Variants in UMAD1 observed in about 807,000 individuals in gnomAD.
UMAD1 encodes the protein UBAP1-MVB12-associated (UMA)-domain containing protein 1.
In UMAD1, 8 loss-of-function variants were observed where a neutral mutation model predicts 6.1. The ratio of observed to expected loss-of-function variants is 1.30; its 90% CI spans 0.76 to 2.35. The LOEUF is 2.35. Among genes scored for constraint, UMAD1 ranks in the 30% most tolerant of loss-of-function variants. The pLI, the probability that UMAD1 is intolerant of heterozygous loss-of-function variation, is 0.00. For missense variants in UMAD1, 130 were observed against 78.4 expected (o/e 1.66, Z -2.49); for synonymous variants, 56 against 31.4 (o/e 1.78, Z -2.61).
intron 2 of UMAD1, among the ~76,000 whole-genome samples, chr7:7,769,185 G>C (rs1401969210): frequency 6.6e-6 from 1 of 152,138 alleles, no homozygotes; most frequent in Non-Finnish European, 1.5e-5. Context: ...TTGTCTTTTA[G>C]GGTAACATGG....
intron 2 of UMAD1, among the ~76,000 whole-genome samples, chr7:7,737,185 C>G (rs1234926253): frequency 2.6e-5 from 4 of 152,210 alleles, no homozygotes; most frequent in African/African-American, 4.8e-5. Flanking sequence ...TCTACTAAGT[C>G]AGTCCCTTGG....
intron 2 of UMAD1, among the ~76,000 whole-genome samples, chr7:7,716,332 G>A (rs577343080): frequency 3.9e-5 from 6 of 152,310 alleles, no homozygotes; most frequent in East Asian, 3.9e-4. Flanking sequence ...ACAGGAGCTC[G>A]AAAGAAATTT....
intron 2 of UMAD1, among the ~76,000 whole-genome samples, chr7:7,734,267 T>C (rs1014872789): frequency 3.9e-5 from 6 of 152,136 alleles, no homozygotes; most frequent in Non-Finnish European, 7.4e-5. Context: ...CAGGTCAAAT[T>C]AGACTGTTAT....
intron 1 of UMAD1, chr7:7,641,509 A>T (rs1336855212): frequency 6.6e-6 from 1 of 151,586 alleles, no homozygotes; most frequent in Non-Finnish European, 1.5e-5. Context: ...AACAGTTTAA[A>T]CCCCCTCAGC....
chr7:7,806,419 G>C (rs1782915100), intron 3 of UMAD1, among the ~76,000 whole-genome samples: 1 of 152,092 alleles, frequency 6.6e-6, no homozygotes. Context: ...GTTCACTATA[G>C]TGCAGGTTTT....
intron 2 of UMAD1, among the ~76,000 whole-genome samples, chr7:7,710,181 T>G (rs1780718826): frequency 6.6e-6 from 1 of 152,208 alleles, no homozygotes. Context: ...TTTATATATC[T>G]GTTCTGATGA....
chr7:7,777,599 ATATG>A (rs1563197896), intron 2 of UMAD1, among the ~76,000 whole-genome samples: 1 of 140,768 alleles, frequency 7.1e-6, no homozygotes, highest in African/African-American at 2.6e-5. Context: ...ATATATATAT[ATATG>A]TAATTGCCAG....
At chr7:7,680,529 T>C (rs1029651711) in intron 2 of UMAD1, among the ~76,000 whole-genome samples, 1 of 152,168 alleles carries the variant, frequency 6.6e-6, no homozygotes, top group African/African-American at 2.4e-5. Flanking sequence ...CTGGGTCTTT[T>C]GTGATTCTAT....
rs146449581 is a variant in UMAD1 at position 7,774,528 on chromosome 7, G to C, written c.83-27142G>C. Reference sequence around the variant, plus strand: ...AAAGAAAGAGAGAGAGCTTGAGAATGTGAAAGTGTTGTGAGGTAGTATAGT... The same window carrying C: ...AAAGAAAGAGAGAGAGCTTGAGAATCTGAAAGTGTTGTGAGGTAGTATAGT... On this transcript the variant is annotated intron_variant, in intron 2 of 3. Coordinates refer to ENST00000682710, the MANE Select transcript of UMAD1 (RefSeq NM_001302348.2). Among the ~76,000 whole-genome samples the C allele has an allele frequency of 8.4e-4, 128 of 152,344 alleles. 2 individuals carry two copies. In the East Asian group the frequency reaches 0.017, roughly 21 times the overall value.
In UMAD1 at chr7:7,692,953, A is replaced by G. The variant is rs540574399; in HGVS notation, c.82+19500A>G. 1.1e-4 allele frequency among the ~76,000 whole-genome samples: 17 copies of G among 152,256 alleles called. No homozygotes were observed. In the South Asian group the frequency reaches 3.3e-3, roughly 30 times the overall value. Reference sequence around the variant, plus strand: ...TATATTTCATGTGAACCTTTTTGTTATGTATATTTTATGTGTCTAAAATAG... The same window carrying G: ...TATATTTCATGTGAACCTTTTTGTTGTGTATATTTTATGTGTCTAAAATAG... On this transcript the variant is annotated intron_variant, in intron 2 of 3. Transcript: ENST00000682710.
intron 2 of UMAD1, 33 bp downstream of exon 2, chr7:7,673,486 G>T (rs1779663093): frequency 2.8e-6 from 2 of 723,100 alleles, no homozygotes; most frequent in Non-Finnish European, 2.5e-6. Context: ...ATAATTAGAT[G>T]AATTATGTTC....
chr7:7,757,742 G>A (rs917276426), intron 2 of UMAD1, among the ~76,000 whole-genome samples: 5 of 152,258 alleles, frequency 3.3e-5, no homozygotes, highest in Middle Eastern at 3.4e-3. Context: ...CAATTCCCAC[G>A]TTTAGGGATG....
At chr7:7,716,605 T>C (rs546206048) in intron 2 of UMAD1, among the ~76,000 whole-genome samples, 3 of 152,326 alleles carry the variant, frequency 2.0e-5, no homozygotes, top group Admixed American at 6.5e-5. Context: ...GCAGGCAACA[T>C]GGTGCTGGCC....
intron 2 of UMAD1, among the ~76,000 whole-genome samples, chr7:7,770,816 T>C (rs1472085076): frequency 6.6e-6 from 1 of 152,110 alleles, no homozygotes; most frequent in Non-Finnish European, 1.5e-5. Context: ...TCTGGAAGTG[T>C]TGAGGTGAAC....
rs535027139 is a variant in UMAD1 at position 7,658,341 on chromosome 7, T to C, written c.-63-14968T>C. ...TGATGGCCCTGGCCAGAACTTCTAA[T>C]ACTGTGTTGAATAGGAGTGGTGAGA... is the stretch of plus-strand genomic sequence containing the variant. On this transcript the variant is annotated intron_variant, in intron 1 of 3. Coordinates refer to ENST00000682710, the MANE Select transcript of UMAD1 (RefSeq NM_001302348.2). 6.2e-4 allele frequency among the ~76,000 whole-genome samples: 95 copies of C among 152,342 alleles called. 1 individual carries two copies. The South Asian group carries it at 0.019, about 31-fold the overall frequency.
chr7:7,875,145 A>C (rs1784394160), intron 3 of UMAD1, among the ~76,000 whole-genome samples: 1 of 152,206 alleles, frequency 6.6e-6, no homozygotes, highest in Non-Finnish European at 1.5e-5. Flanking sequence ...TAGCATTTAT[A>C]ACCAAAGACA....
chr7:7,655,949 C>G (rs1785331086), intron 1 of UMAD1, among the ~76,000 whole-genome samples: 1 of 152,130 alleles, frequency 6.6e-6, no homozygotes, highest in South Asian at 2.1e-4. Context: ...GATTCTCCTG[C>G]CTCAGCCTTC....
At chr7:7,716,690 C>T (rs1583769262) in intron 2 of UMAD1, among the ~76,000 whole-genome samples, 1 of 152,190 alleles carries the variant, frequency 6.6e-6, no homozygotes, top group East Asian at 1.9e-4. Flanking sequence ...TCACGCCTGT[C>T]ATCCCAGCAC....
intron 2 of UMAD1, among the ~76,000 whole-genome samples, chr7:7,701,918 C>G (rs967367594): frequency 6.6e-6 from 1 of 152,320 alleles, no homozygotes; most frequent in African/African-American, 2.4e-5. Flanking sequence ...ATCTCTCTGC[C>G]ATCAGCTATA....
Sources: gnomAD v4.1 joint callset for allele counts (sites outside exome capture counted in the v4.1 genomes callset) on GRCh38, gnomAD v4.1.1 for gene constraint, MANE v1.5 for transcripts, NCBI Gene and HGNC (gene_info 2026-07-23, HGNC 2026-07-21) for gene names.